SIGLEC5: variants seen among roughly 807,000 people sequenced by gnomAD.
The protein encoded by SIGLEC5 is sialic acid binding Ig like lectin 5.
In SIGLEC5, 34 loss-of-function variants were observed where a neutral mutation model predicts 45.9. That is an observed-to-expected ratio of 0.74 (90% CI 0.56 to 0.99). The LOEUF (loss-of-function observed/expected upper bound fraction) is 0.99. SIGLEC5 is among the 50% of genes least tolerant of loss of function. The pLI is 0.00. For synonymous variants in SIGLEC5, 203 were observed against 258.6 expected (o/e 0.79, Z 2.06); for missense variants, 508 against 629.6 (o/e 0.81, Z 2.07).
chr19:51,627,996 G>A lies in SIGLEC5; in HGVS notation c.835C>T (p.Leu279=), dbSNP rs140633267. The A allele has an allele frequency of 4.8e-3, 7,803 of 1,612,478 alleles. 40 individuals carry two copies. Among genetic ancestry groups the A allele is most frequent in the South Asian group, 0.013 (1,173 of 90,944 alleles). Reference sequence around the variant, plus strand: ...GCAGGGGAGCCCTGGAACCAGCTCAGGTGTGCAGGGGGGTTGCTGGGAGCA... The same window carrying A: ...GCAGGGGAGCCCTGGAACCAGCTCAAGTGTGCAGGGGGGTTGCTGGGAGCA... ...CDAPSNPPAH[L]SWFQGSPALN... The change falls in exon 5 of 9, where the codon CTG becomes TTG. Residue 279 remains leucine (L), a synonymous_variant. Transcript: ENST00000683636.
chr19:51,625,986 A>G (rs761414789), intron 8 of SIGLEC5, 46 bp downstream of exon 8: 2 of 1,512,828 alleles, frequency 1.3e-6, no homozygotes, highest in Non-Finnish European at 9.2e-7. Context: ...CTCAGCCTGG[A>G]CTTTCCGAGT....
In SIGLEC5 at chr19:51,627,259, G is replaced by A. The variant is rs966093967; in HGVS notation, c.1283-11C>T. The A allele has an allele frequency of 6.2e-7, 1 of 1,612,280 alleles. No homozygotes were observed. The highest frequency in any genetic ancestry group is 1.7e-4 in the Middle Eastern group (1 of 6,032). ...CGAGGTTCGATCTCCCTGCAGAAAA[G>A]AGGGGCGTGCAATAACTCACTCCCA... On this transcript the variant is annotated splice_polypyrimidine_tract_variant and intron_variant, in intron 6 of 8. Transcript: ENST00000683636.
Position 51,629,473 on chromosome 19 carries a change from G to A in SIGLEC5, c.585C>T (p.Ser195=), listed in dbSNP as rs753260823. The A allele has an allele frequency of 8.7e-6, 14 of 1,612,986 alleles. No individual in the cohort carries two copies. The highest frequency in any genetic ancestry group is 2.2e-5 in the East Asian group (1 of 44,830). ...GCCTGGGGGTGAGGGTGAGCTCCGA[G>A]GAGCGGGTGGTCTCGGGGTCCAGGG... The part of the protein sequence containing the change: ...LSPLDPETTR[S]SELTLTPRPE... The change falls in exon 3 of 9, where the codon TCC becomes TCT. Residue 195 remains serine (S), a synonymous_variant. Transcript: ENST00000683636.
At chr19:51,615,599 C>T (rs1013739478) in intron 8 of SIGLEC5, among the ~76,000 whole-genome samples, 7 of 152,234 alleles carry the variant, frequency 4.6e-5, no homozygotes, top group Non-Finnish European at 8.8e-5. Flanking sequence ...ATTTTCTCCA[C>T]TCCAAACTCC....
chr19:51,612,508 G>A, intron 8 of SIGLEC5, 86 bp from the exon 9 acceptor site: 1 of 1,008,732 alleles, frequency 9.9e-7, no homozygotes. Flanking sequence ...ATGTTGCCTT[G>A]GGATTTATTT....
intron 4 of SIGLEC5, among the ~76,000 whole-genome samples, chr19:51,628,570 T>C (rs1366177826): frequency 6.6e-6 from 1 of 152,178 alleles, no homozygotes; most frequent in Non-Finnish European, 1.5e-5. Flanking sequence ...TGCATGAGTG[T>C]GCACCTGTGT....
At chr19:51,612,725 C>T (rs567441158) in intron 8 of SIGLEC5, among the ~76,000 whole-genome samples, 42 of 152,312 alleles carry the variant, frequency 2.8e-4, no homozygotes, top group Middle Eastern at 6.8e-3. Context: ...TCATAGGCTG[C>T]GCAGATATAC....
intron 8 of SIGLEC5, among the ~76,000 whole-genome samples, chr19:51,613,745 G>C (rs1982945301): frequency 6.6e-6 from 1 of 152,138 alleles, no homozygotes; most frequent in African/African-American, 2.4e-5. Context: ...GAGGTGGAGA[G>C]AGGTTAAGTA....
At chr19:51,612,738 C>G (rs1330441171) in intron 8 of SIGLEC5, among the ~76,000 whole-genome samples, 1 of 152,230 alleles carries the variant, frequency 6.6e-6, no homozygotes, top group East Asian at 1.9e-4. Flanking sequence ...AGATATACTG[C>G]AGCAACCACC....
rs74861892 is a variant in SIGLEC5 at position 51,611,832 on chromosome 19, T to A, written c.*399A>T. 611 of 153,448 alleles carry A rather than the reference T, an allele frequency of 4.0e-3. 2 individuals are homozygous for A. The highest frequency in any genetic ancestry group is 6.8e-3 in the Middle Eastern group (2 of 294). The allele number at this position is 153,448 out of a possible 1,614,324, so 9.5% of individuals were successfully genotyped here. On this transcript the variant is annotated 3_prime_UTR_variant, in exon 9 of 9. Coordinates refer to ENST00000683636, the MANE Select transcript of SIGLEC5 (RefSeq NM_003830.4). ...CTGCCCTGTTTTTTGTGCCTGGTCA[T>A]CCCCAGCCTTGAGAGAACTTGCCAG...
At position 51,629,916 on chromosome 19, in the gene SIGLEC5, G is replaced by T. The variant is rs762434257; in HGVS notation, c.338C>A (p.Thr113Lys). The change falls in exon 2 of 9, where the codon ACG becomes AAG. Residue 113 changes from threonine (T) to lysine (K), a missense_variant. Physicochemically the swap from Thr to Lys is moderately conservative, Grantham distance 78 (BLOSUM62 -1). Transcript: ENST00000683636. Reference protein sequence around the residue: ...LSIGDARMEDTGSYFFRVERG... With the variant: ...LSIGDARMEDKGSYFFRVERG... ...CTCCACGCGGAAGAAATAGCTTCCC[G>T]TGTCCTCCATTCTGGCATCTCCGAT... 34 of 1,123,894 alleles carry T rather than the reference G, an allele frequency of 3.0e-5. No homozygotes were observed. The highest frequency in any genetic ancestry group is 4.4e-5 in the Non-Finnish European group (34 of 777,046). The allele number at this position is 1,123,894 out of a possible 1,614,324, so 69.6% of individuals were successfully genotyped here.
Position 51,612,406 on chromosome 19 carries a change from G to A in SIGLEC5, c.1481C>T (p.Pro494Leu). 1 of 1,610,722 alleles carries A rather than the reference G, an allele frequency of 6.2e-7. No homozygotes were observed. The highest frequency in any genetic ancestry group is 1.1e-5 in the South Asian group (1 of 90,622). The stretch of plus-strand genomic sequence containing the variant: ...TTGATCTCCGGGGCTGTCTGGCCAG[G>A]GCTTCTTCCTGGAACCCTGAGTAAA... ...GTITSGSRKKPWPDSPGDQAS... is the reference protein window; with the variant it reads ...GTITSGSRKKLWPDSPGDQAS... Residue 494 changes from proline to leucine, a missense_variant, in exon 9 of 9, where the codon CCC becomes CTC. By Grantham distance (98) the Pro-to-Leu change is moderately conservative (BLOSUM62 -3). This residue lies in a region of SIGLEC5 where 431 missense variants were observed against 428.8 expected (regional missense o/e 1.01). Coordinates refer to ENST00000683636, the MANE Select transcript of SIGLEC5 (RefSeq NM_003830.4).
chr19:51,629,606 A>G lies in SIGLEC5; in HGVS notation c.452T>C (p.Leu151Pro). 3 of 1,447,482 alleles carry G rather than the reference A, an allele frequency of 2.1e-6. No homozygotes were observed. The highest frequency in any genetic ancestry group is 2.8e-6 in the Non-Finnish European group (3 of 1,058,172). 89.7% of individuals were successfully genotyped at this position (1,447,482 alleles called of 1,614,324 possible). The change falls in exon 3 of 9, where the codon CTG becomes CCG. Residue 151 changes from leucine to proline, a missense_variant. Physicochemically the swap from Leu to Pro is moderately conservative, Grantham distance 98. This residue lies in a region of SIGLEC5 where 77 missense variants were observed against 200.8 expected (regional missense o/e 0.38). Coordinates refer to ENST00000683636, the MANE Select transcript of SIGLEC5 (RefSeq NM_003830.4). ...ALIEKPDIHF[L>P]EPLESGRPTR... The stretch of plus-strand genomic sequence containing the variant: ...GGGGCGGCCGGACTCCAGAGGCTCC[A>G]GAAAGTGGATGTCGGGTTTCTCTAT...
At chr19:51,620,313 A>C (rs1474740157) in intron 8 of SIGLEC5, among the ~76,000 whole-genome samples, 2 of 152,154 alleles carry the variant, frequency 1.3e-5, no homozygotes, top group East Asian at 3.8e-4. Flanking sequence ...CAGAAGAAAC[A>C]GGAGGAAAAA....
chr19:51,620,417 A>G (rs113593490), intron 8 of SIGLEC5, among the ~76,000 whole-genome samples: 2 of 152,232 alleles, frequency 1.3e-5, no homozygotes, highest in African/African-American at 4.8e-5. Context: ...AAAAAATGCT[A>G]TGAATAATAT....
At position 51,612,392 on chromosome 19, in the gene SIGLEC5, G is replaced by T. The variant is rs3829655; in HGVS notation, c.1495C>A (p.Pro499Thr). 3.1e-6 allele frequency: 5 copies of T among 1,612,250 alleles called. No homozygotes were observed. Among genetic ancestry groups the T allele is most frequent in the African/African-American group, 1.3e-5 (1 of 74,850 alleles). Residue 499 changes from proline to threonine, a missense_variant, in exon 9 of 9, where the codon CCC becomes ACC. By Grantham distance (38) the Pro-to-Thr change is conservative (BLOSUM62 -1). This residue lies in a region of SIGLEC5 where 431 missense variants were observed against 428.8 expected (regional missense o/e 1.01). Coordinates refer to ENST00000683636, the MANE Select transcript of SIGLEC5 (RefSeq NM_003830.4). ...CCAGGAGGAGATGCTTGATCTCCGG[G>T]GCTGTCTGGCCAGGGCTTCTTCCTG... is the stretch of plus-strand genomic sequence containing the variant. Reference protein sequence around the residue: ...GSRKKPWPDSPGDQASPPGDA... With the variant: ...GSRKKPWPDSTGDQASPPGDA...
chr19:51,614,472 A>G (rs1421709482), intron 8 of SIGLEC5, among the ~76,000 whole-genome samples: 1 of 152,142 alleles, frequency 6.6e-6, no homozygotes, highest in Admixed American at 6.5e-5. Flanking sequence ...TTAGGGAAAA[A>G]TGGCTTCATT....
intron 8 of SIGLEC5, among the ~76,000 whole-genome samples, chr19:51,619,017 A>T (rs1279427521): frequency 6.6e-6 from 1 of 152,236 alleles, no homozygotes; most frequent in Non-Finnish European, 1.5e-5. Context: ...AAGTATTGAC[A>T]TGTTGGGAAG....
chr19:51,622,894 T>G (rs1211374862), intron 8 of SIGLEC5, among the ~76,000 whole-genome samples: 1 of 152,212 alleles, frequency 6.6e-6, no homozygotes, highest in African/African-American at 2.4e-5. Context: ...CTGCCTTATT[T>G]CACTTAACAT....
Sources: allele counts gnomAD v4.1 joint callset (sites outside exome capture counted in the v4.1 genomes callset), GRCh38; gene constraint gnomAD v4.1.1; regional missense constraint gnomAD v4.1.1; transcripts MANE v1.5; gene names NCBI Gene and HGNC (gene_info 2026-07-23, HGNC 2026-07-21).